The following UMAD1 variants were observed in gnomAD, a reference collection of about 807,000 sequenced individuals.
UMAD1 encodes UBAP1-MVB12-associated (UMA)-domain containing protein 1.
UMAD1 carries 8 observed loss-of-function variants against 6.1 expected under a neutral mutation model. The observed-to-expected ratio is 1.30, with a 90% CI of 0.76 to 2.35. The LOEUF (loss-of-function observed/expected upper bound fraction) is 2.35, where lower values mean the gene tolerates loss of function less well. Ranked by LOEUF, UMAD1 falls within the 30% of genes most tolerant of loss-of-function variation. The probability of loss-of-function intolerance (pLI) is 0.00; values close to 1 mark genes in which losing one functional copy is unlikely to be tolerated. For missense variants in UMAD1, 130 were observed against 78.4 expected, an observed-to-expected ratio of 1.66 and a Z score of -2.49; for synonymous variants, 56 against 31.4, an observed-to-expected ratio of 1.78 and a Z score of -2.61.
At chr7:7,673,144 C>G (rs970770753) in intron 1 of UMAD1, among the ~76,000 whole-genome samples, 165 bp from the exon 2 acceptor site, 1 of 152,194 alleles carries the variant, frequency 6.6e-6, no homozygotes, top group Non-Finnish European at 1.5e-5. Context: ...AGATCATTTT[C>G]TAGCTTTGTC....
chr7:7,790,259 C>T (rs1300010655), intron 2 of UMAD1, among the ~76,000 whole-genome samples: 2 of 147,768 alleles, frequency 1.4e-5, no homozygotes, highest in East Asian at 1.9e-4. Context: ...TTGTGTACAC[C>T]GGAATGTGAG....
At chr7:7,774,075 T>C (rs796128687) in intron 2 of UMAD1, among the ~76,000 whole-genome samples, 7 of 152,080 alleles carry the variant, frequency 4.6e-5, no homozygotes, top group African/African-American at 1.7e-4. Flanking sequence ...GCTTGATAGC[T>C]GGTGCTTTTT....
At chr7:7,656,207 C>T (rs1314662081) in intron 1 of UMAD1, among the ~76,000 whole-genome samples, 4 of 151,870 alleles carry the variant, frequency 2.6e-5, no homozygotes, top group South Asian at 4.2e-4. Flanking sequence ...GTAAAAGCTG[C>T]GTGGTTCTGA....
chr7:7,818,516 CAG>C (rs1783176107), intron 3 of UMAD1, among the ~76,000 whole-genome samples: 1 of 152,098 alleles, frequency 6.6e-6, no homozygotes, highest in Non-Finnish European at 1.5e-5. Flanking sequence ...CAAAAAATAA[CAG>C]ATGCTGGCAA....
At chr7:7,794,339 A>C (rs1183461457) in intron 2 of UMAD1, among the ~76,000 whole-genome samples, 1 of 152,046 alleles carries the variant, frequency 6.6e-6, no homozygotes, top group Non-Finnish European at 1.5e-5. Flanking sequence ...TGGAGACCAA[A>C]CTCTCATCTT....
chr7:7,648,692 A>T (rs1204889886), intron 1 of UMAD1, among the ~76,000 whole-genome samples: 1 of 151,492 alleles, frequency 6.6e-6, no homozygotes, highest in Admixed American at 6.6e-5. Flanking sequence ...CTCTACAAAA[A>T]ATACAAAAAT....
chr7:7,846,548 A>G (rs1783786587), intron 3 of UMAD1, among the ~76,000 whole-genome samples: 1 of 152,178 alleles, frequency 6.6e-6, no homozygotes, highest in Non-Finnish European at 1.5e-5. Flanking sequence ...ACTATCTTAA[A>G]AAGCTCAGCT....
intron 2 of UMAD1, among the ~76,000 whole-genome samples, chr7:7,700,615 C>T (rs1007006819): frequency 1.3e-5 from 2 of 152,116 alleles, no homozygotes; most frequent in South Asian, 2.1e-4. Flanking sequence ...GGGCCGGGCG[C>T]GGTGGCTCAC....
At chr7:7,869,860 T>A (rs1784303878) in intron 3 of UMAD1, among the ~76,000 whole-genome samples, 1 of 152,188 alleles carries the variant, frequency 6.6e-6, no homozygotes, top group Non-Finnish European at 1.5e-5. Context: ...TTCACAAGGA[T>A]GCCACTAACC....
At chr7:7,741,617 AAAT>A (rs1299332493) in intron 2 of UMAD1, among the ~76,000 whole-genome samples, 4 of 134,988 alleles carry the variant, frequency 3.0e-5, no homozygotes, top group Admixed American at 7.4e-5. Context: ...ATAATAATAA[AAAT>A]AATAAAAAAA....
chr7:7,746,082 G>A (rs1040249416), intron 2 of UMAD1, among the ~76,000 whole-genome samples: 5 of 152,128 alleles, frequency 3.3e-5, no homozygotes, highest in African/African-American at 1.2e-4. Flanking sequence ...CATTAGCATA[G>A]TACTGTTAAA....
chr7:7,728,099 T>C (rs4140935), intron 2 of UMAD1, among the ~76,000 whole-genome samples: 11,759 of 152,196 alleles, frequency 0.077, 532 homozygotes, highest in South Asian at 0.11. Flanking sequence ...AAATGCCCCA[T>C]TCAGAGTACC....
At chr7:7,753,502 C>G (rs942733351) in intron 2 of UMAD1, among the ~76,000 whole-genome samples, 2 of 152,148 alleles carry the variant, frequency 1.3e-5, no homozygotes, top group Non-Finnish European at 1.5e-5. Flanking sequence ...TGAGATCCCA[C>G]GAATAAGTGA....
intron 2 of UMAD1, among the ~76,000 whole-genome samples, chr7:7,716,900 C>T (rs2115177843): frequency 6.6e-6 from 1 of 152,238 alleles, no homozygotes; most frequent in African/African-American, 2.4e-5. Context: ...GTAAATGGCA[C>T]ACCTGGTCTG....
At chr7:7,648,600 C>T (rs1178892164) in intron 1 of UMAD1, among the ~76,000 whole-genome samples, 4 of 152,258 alleles carry the variant, frequency 2.6e-5, no homozygotes, top group Admixed American at 6.5e-5. Context: ...CCTGTAATCC[C>T]AGCACTTTGG....
intron 2 of UMAD1, among the ~76,000 whole-genome samples, chr7:7,696,254 C>G (rs1409599637): frequency 6.6e-6 from 1 of 150,660 alleles, no homozygotes; most frequent in Non-Finnish European, 1.5e-5. Context: ...TGAACTCATA[C>G]AAGACTCACT....
At chr7:7,682,667 C>G (rs1181553817) in intron 2 of UMAD1, among the ~76,000 whole-genome samples, 4 of 152,120 alleles carry the variant, frequency 2.6e-5, no homozygotes, top group African/African-American at 9.7e-5. Context: ...AAAATGTATA[C>G]CAGATCTTTA....
intron 2 of UMAD1, among the ~76,000 whole-genome samples, chr7:7,675,925 C>G (rs931694501): frequency 5.9e-5 from 9 of 152,188 alleles, no homozygotes; most frequent in Non-Finnish European, 1.2e-4. Flanking sequence ...CTCATTTCCC[C>G]CCAGGTGCAA....
chr7:7,837,647 C>A (rs1783596030), intron 3 of UMAD1, among the ~76,000 whole-genome samples: 1 of 151,380 alleles, frequency 6.6e-6, no homozygotes, highest in South Asian at 2.1e-4. Context: ...GTTAGTCAAC[C>A]CAAAAGCAGT....
Sources: allele counts gnomAD v4.1 joint callset (sites outside exome capture counted in the v4.1 genomes callset), GRCh38; gene constraint gnomAD v4.1.1; transcripts MANE v1.5; gene names NCBI Gene and HGNC (gene_info 2026-07-23, HGNC 2026-07-21).